Variants in SEZ6L observed in about 807,000 individuals in gnomAD.
SEZ6L encodes the protein seizure related 6 homolog like, also known as seizure 6-like protein.
Under a neutral mutation model 106.2 loss-of-function variants are expected in SEZ6L, and 37 were observed. That is an observed-to-expected ratio of 0.35 (90% CI 0.27 to 0.46). The LOEUF (loss-of-function observed/expected upper bound fraction) is 0.46, where lower values mean the gene tolerates loss of function less well. Among genes scored for constraint, SEZ6L ranks in the 20% least tolerant of loss-of-function variants. The pLI, the probability that SEZ6L is intolerant of heterozygous loss-of-function variation, is 1.00. For synonymous variants in SEZ6L, 541 were observed against 570.4 expected (o/e 0.95, Z 0.73); for missense variants, 1,172 against 1,332.8 (o/e 0.88, Z 1.88).
intron 1 of SEZ6L, among the ~76,000 whole-genome samples, chr22:26,254,287 A>G (rs554153309): frequency 2.0e-5 from 3 of 152,174 alleles, no homozygotes; most frequent in African/African-American, 7.2e-5. Flanking sequence ...CAACTGTAGC[A>G]AAAGTTGTAT....
At chr22:26,295,083 C>T (rs764174690) in intron 3 of SEZ6L, among the ~76,000 whole-genome samples, 86 of 152,152 alleles carry the variant, frequency 5.7e-4, no homozygotes, top group Non-Finnish European at 1.1e-3. Context: ...GGTTTTAAGT[C>T]CTACCTCTTC....
chr22:26,358,728 C>A lies in SEZ6L; in HGVS notation c.2600-6644C>A, dbSNP rs564656024. 5.3e-5 allele frequency among the ~76,000 whole-genome samples: 8 copies of A among 152,154 alleles called. No homozygotes were observed. In the South Asian group the frequency reaches 1.7e-3, roughly 32 times the overall value. On this transcript the variant is annotated intron_variant, in intron 12 of 16. Coordinates refer to ENST00000248933, the MANE Select transcript of SEZ6L (RefSeq NM_021115.5). ...AACCCGAATTGTTTAAAACATTCGA[C>A]CAGTGGTTTTCAACCAGAGGCGATT...
At chr22:26,278,158 C>T (rs1054503017) in intron 1 of SEZ6L, among the ~76,000 whole-genome samples, 5 of 152,040 alleles carry the variant, frequency 3.3e-5, no homozygotes, top group African/African-American at 9.7e-5. Flanking sequence ...AGGGAAGGGG[C>T]GGTTTAGAAC....
intron 1 of SEZ6L, among the ~76,000 whole-genome samples, chr22:26,267,620 C>A (rs1019385224): frequency 2.0e-5 from 3 of 152,142 alleles, no homozygotes; most frequent in Non-Finnish European, 4.4e-5. Context: ...CTGTTTGCTG[C>A]AGGATTTGTC....
intron 1 of SEZ6L, among the ~76,000 whole-genome samples, chr22:26,231,996 A>C (rs2078812847): frequency 6.6e-6 from 1 of 152,154 alleles, no homozygotes; most frequent in South Asian, 2.1e-4. Context: ...TCCATGGGGC[A>C]CTGCAACAGA....
In SEZ6L at chr22:26,340,565, C is replaced by G; in HGVS notation, c.2145C>G (p.Ile715Met). Reference sequence around the variant, plus strand: ...ACTCCTCCACGCCAGACTTAACCATCCAGTTCCATTCGGACCCTGCTGGCC... The same window carrying G: ...ACTCCTCCACGCCAGACTTAACCATGCAGTTCCATTCGGACCCTGCTGGCC... The part of the protein sequence containing the change: ...KLYSSTPDLT[I>M]QFHSDPAGLI... Residue 715 changes from isoleucine to methionine, a missense_variant, in exon 10 of 17, where the codon ATC becomes ATG. By Grantham distance (10) the Ile-to-Met change is conservative. This residue lies in a region of SEZ6L where 534 missense variants were observed against 691.0 expected (regional missense o/e 0.77). Coordinates refer to ENST00000248933, the MANE Select transcript of SEZ6L (RefSeq NM_021115.5). 6.2e-7 allele frequency: 1 copy of G among 1,614,204 alleles called. No homozygotes were observed. The highest frequency in any genetic ancestry group is 8.5e-7 in the Non-Finnish European group (1 of 1,180,034).
At chr22:26,248,919 T>C (rs2079465156) in intron 1 of SEZ6L, among the ~76,000 whole-genome samples, 1 of 146,118 alleles carries the variant, frequency 6.8e-6, no homozygotes, top group Non-Finnish European at 1.5e-5. Flanking sequence ...CCCATGCATT[T>C]CTTTTCTTTT....
At position 26,377,982 on chromosome 22, in the gene SEZ6L, G is replaced by C. The variant is rs557302482; in HGVS notation, c.3045+207G>C. Among the ~76,000 whole-genome samples the C allele has an allele frequency of 2.0e-5, 3 of 152,110 alleles. No individual in the cohort carries two copies. In the South Asian group the frequency reaches 6.3e-4, roughly 32 times the overall value. On this transcript the variant is annotated intron_variant, in intron 16 of 16. Transcript: ENST00000248933. ...ATTGGTGCTGAGGACGAGCCTAGGAGGCTGATTACTGTCAGCAGAACACCC... is the reference window on the plus strand; with the variant it reads ...ATTGGTGCTGAGGACGAGCCTAGGACGCTGATTACTGTCAGCAGAACACCC...
chr22:26,308,960 C>T (rs895832718), intron 6 of SEZ6L, among the ~76,000 whole-genome samples: 1 of 152,192 alleles, frequency 6.6e-6, no homozygotes, highest in African/African-American at 2.4e-5. Context: ...GATGCCCCTT[C>T]CCACTCCTGG....
At position 26,169,811 on chromosome 22, in the gene SEZ6L, G is replaced by A. The variant is rs1032877718; in HGVS notation, c.94+48G>A. ...CGGGCAGGGGGCAAAGTTGCCGGGA[G>A]AGCGGGGCAGCCAGGGGTCGGGGCT... On this transcript the variant is annotated intron_variant, in intron 1 of 16. Coordinates refer to ENST00000248933, the MANE Select transcript of SEZ6L (RefSeq NM_021115.5). The A allele has an allele frequency of 2.7e-5, 27 of 996,650 alleles. No individual in the cohort carries two copies. The East Asian group carries it at 5.9e-4, about 22-fold the overall frequency. The allele number at this position is 996,650 out of a possible 1,614,324, so 61.7% of individuals were successfully genotyped here.
chr22:26,292,887 G>T lies in SEZ6L; in HGVS notation c.576G>T (p.Ala192=), dbSNP rs368342681. The stretch of plus-strand genomic sequence containing the variant: ...TTTGGCTGGACCGAAAGGAGAGTGC[G>T]GTCCCTACAACACCCGCACCCCTGC... ...VPLWLDRKES[A]VPTTPAPLQI... Residue 192 remains alanine (A), a synonymous_variant, in exon 2 of 17, where the codon GCG becomes GCT. Coordinates refer to ENST00000248933, the MANE Select transcript of SEZ6L (RefSeq NM_021115.5). 16 of 1,614,004 alleles carry T rather than the reference G, an allele frequency of 9.9e-6. No homozygotes were observed. In the Admixed American group the frequency reaches 2.5e-4, roughly 25 times the overall value.
chr22:26,269,474 T>G (rs2080293112), intron 1 of SEZ6L, among the ~76,000 whole-genome samples: 1 of 152,166 alleles, frequency 6.6e-6, no homozygotes, highest in Non-Finnish European at 1.5e-5. Flanking sequence ...AGGTCAAGAT[T>G]GGAACCCTAA....
chr22:26,174,059 T>C (rs1938809249), intron 1 of SEZ6L, among the ~76,000 whole-genome samples: 1 of 152,198 alleles, frequency 6.6e-6, no homozygotes. Context: ...TATAATATGA[T>C]AAGGCTCCTG....
chr22:26,191,315 G>A (rs1940188825), intron 1 of SEZ6L, among the ~76,000 whole-genome samples: 1 of 152,086 alleles, frequency 6.6e-6, no homozygotes, highest in African/African-American at 2.4e-5. Context: ...ATTCACAATA[G>A]CAAAGACATG....
intron 1 of SEZ6L, among the ~76,000 whole-genome samples, chr22:26,278,369 T>G (rs1448997991): frequency 1.3e-5 from 2 of 152,232 alleles, no homozygotes; most frequent in Non-Finnish European, 2.9e-5. Context: ...AAGTTTGGGC[T>G]TCTAGTGTAC....
At chr22:26,353,505 C>A (rs1352339628) in intron 12 of SEZ6L, among the ~76,000 whole-genome samples, 1 of 152,204 alleles carries the variant, frequency 6.6e-6, no homozygotes, top group Non-Finnish European at 1.5e-5. Context: ...TATTTATACA[C>A]ACATACTAAA....
intron 1 of SEZ6L, among the ~76,000 whole-genome samples, chr22:26,170,574 A>G (rs532870606): frequency 1.3e-5 from 2 of 152,194 alleles, no homozygotes; most frequent in East Asian, 3.9e-4. Flanking sequence ...TCTTTCTCAG[A>G]CCTGGAACCA....
chr22:26,361,447 C>T (rs967747043), intron 12 of SEZ6L, among the ~76,000 whole-genome samples: 1 of 148,402 alleles, frequency 6.7e-6, no homozygotes, highest in Non-Finnish European at 1.5e-5. Context: ...GCTGAGGTTG[C>T]AGTGAGCTGA....
At chr22:26,261,743 T>A (rs2080013430) in intron 1 of SEZ6L, among the ~76,000 whole-genome samples, 2 of 152,120 alleles carry the variant, frequency 1.3e-5, no homozygotes, top group Middle Eastern at 6.8e-3. Context: ...CAAGGTGAGG[T>A]CTCTCCTTTG....
Sources: gnomAD v4.1 joint callset for allele counts (sites outside exome capture counted in the v4.1 genomes callset) on GRCh38, gnomAD v4.1.1 for gene constraint, gnomAD v4.1.1 regional missense constraint, MANE v1.5 for transcripts, NCBI Gene and HGNC (gene_info 2026-07-23, HGNC 2026-07-21) for gene names.